PCNT: variants seen among roughly 807,000 people sequenced by gnomAD.
The protein encoded by PCNT is kendrin.
Under a neutral mutation model 380.4 loss-of-function variants are expected in PCNT, and 319 were observed. The observed-to-expected ratio is 0.84, with a 90% CI of 0.77 to 0.92. The LOEUF is 0.92. PCNT is among the 40% of genes least tolerant of loss of function. PCNT has a pLI of 0.00. For synonymous variants in PCNT, 1,845 were observed against 1,735.2 expected, an observed-to-expected ratio of 1.06 and a Z score of -1.57; for missense variants, 4,400 against 4,255.3, an observed-to-expected ratio of 1.03 and a Z score of -0.95.
intron 29 of PCNT, among the ~76,000 whole-genome samples, chr21:46,413,283 G>A (rs181798474): frequency 2.4e-3 from 227 of 93,540 alleles, no homozygotes; most frequent in Non-Finnish European, 2.5e-3. Context: ...CTGGACACGC[G>A]GCAGCAAGGT....
intron 1 of PCNT, among the ~76,000 whole-genome samples, chr21:46,324,590 C>G (rs1212987604): frequency 2.0e-5 from 3 of 149,466 alleles, no homozygotes; most frequent in African/African-American, 4.9e-5. Context: ...GGGCTGGGCG[C>G]GGTGCACGCC....
intron 29 of PCNT, among the ~76,000 whole-genome samples, 172 bp downstream of exon 29, chr21:46,413,164 GGCAGCA>G (rs2086858983): frequency 3.8e-5 from 5 of 132,222 alleles, no homozygotes; most frequent in South Asian, 2.5e-4. Flanking sequence ...CTGGACACGC[GGCAGCA>G]AGGTGTGGGG....
rs750424923 is a variant in PCNT, at chr21:46,381,707, G to T, written c.3179G>T (p.Ser1060Ile). The T allele has an allele frequency of 6.2e-7, 1 of 1,613,942 alleles. No homozygotes were observed. The highest frequency in any genetic ancestry group is 2.2e-5 in the East Asian group (1 of 44,886). Reference sequence around the variant, plus strand: ...TGATGTGTACAGGGTGAATTTGGAAGTGAAAAGAAAACTGCTTTGCATGAA... The same window carrying T: ...TGATGTGTACAGGGTGAATTTGGAATTGAAAAGAAAACTGCTTTGCATGAA... ...LQGVHQGEFG[S>I]EKKTALHEKE... Residue 1060 changes from serine (S) to isoleucine (I), a missense_variant, in exon 16 of 47, where the codon AGT becomes ATT. Ser to Ile is a moderately radical substitution (Grantham distance 142, BLOSUM62 -2). Transcript: ENST00000359568.
chr21:46,443,718 C>A, intron 44 of PCNT, 92 bp from the exon 45 acceptor site: 1 of 1,248,264 alleles, frequency 8.0e-7, no homozygotes, highest in Non-Finnish European at 1.2e-6. Context: ...CTCTTAAAAG[C>A]TTATACGTTT....
rs2084380391 is a variant in PCNT, at chr21:46,354,049, T to C, written c.1742T>C (p.Leu581Pro). The change falls in exon 11 of 47, where the codon CTC becomes CCC. Residue 581 changes from leucine to proline, a missense_variant. Coordinates refer to ENST00000359568, the MANE Select transcript of PCNT (RefSeq NM_006031.6). ...EKGRKDHVDELEPERHKESLP... is the reference protein window; with the variant it reads ...EKGRKDHVDEPEPERHKESLP... ...GGAAGAAAAGATCACGTTGATGAACTCGAGCCTGAGCGACATAAGGTAATT... is the reference window on the plus strand; with the variant it reads ...GGAAGAAAAGATCACGTTGATGAACCCGAGCCTGAGCGACATAAGGTAATT... 2.5e-6 allele frequency: 4 copies of C among 1,614,070 alleles called. No homozygotes were observed. The highest frequency in any genetic ancestry group is 3.4e-6 in the Non-Finnish European group (4 of 1,179,954).
At chr21:46,339,136 G>A (rs1397809449) in intron 3 of PCNT, among the ~76,000 whole-genome samples, 4 of 152,082 alleles carry the variant, frequency 2.6e-5, no homozygotes, top group South Asian at 2.1e-4. Flanking sequence ...GGCTGATCTC[G>A]AACTCATGAT....
At chr21:46,368,913 C>T (rs192312326) in intron 15 of PCNT, among the ~76,000 whole-genome samples, 35 of 152,368 alleles carry the variant, frequency 2.3e-4, no homozygotes, top group African/African-American at 7.9e-4. Flanking sequence ...CAGCATGCCA[C>T]GGGAGGGCTT....
In PCNT at chr21:46,425,984, C is replaced by T. The variant is rs777307823; in HGVS notation, c.7320+13C>T. 6.2e-7 allele frequency: 1 copy of T among 1,613,478 alleles called. No homozygotes were observed. Among genetic ancestry groups the T allele is most frequent in the Non-Finnish European group, 8.5e-7 (1 of 1,179,790 alleles). On this transcript the variant is annotated intron_variant, in intron 33 of 46. Transcript: ENST00000359568. The surrounding 1 kb of genome is among the most constrained non-coding windows in gnomAD (Gnocchi z 4.2). ...GGGAAAGACGCAGGTTTATTTTGCC[C>T]TTCACACACTTCTTTTCCAAAGGAT...
chr21:46,422,464 G>A (rs1341051809), intron 32 of PCNT, among the ~76,000 whole-genome samples: 1 of 144,472 alleles, frequency 6.9e-6, no homozygotes, highest in Admixed American at 6.7e-5. Flanking sequence ...GAGAAGCCGA[G>A]GCACCAGACG....
At chr21:46,399,910 C>T (rs1283659479) in intron 25 of PCNT, 114 bp downstream of exon 25, 62 of 868,752 alleles carry the variant, frequency 7.1e-5, no homozygotes, top group East Asian at 1.2e-4. Flanking sequence ...GCAGCCACCA[C>T]GTCTGCACCA....
chr21:46,383,309 G>A lies in PCNT; in HGVS notation c.3312+1469G>A, dbSNP rs1333141035. 1.8e-4 allele frequency among the ~76,000 whole-genome samples: 25 copies of A among 142,074 alleles called. 1 individual carries two copies. Among genetic ancestry groups the A allele is most frequent in the African/African-American group, 5.8e-4 (22 of 37,658 alleles). 93.2% of individuals were successfully genotyped at this position (142,074 alleles called of 152,430 possible). On this transcript the variant is annotated intron_variant, in intron 16 of 46. Transcript: ENST00000359568. The stretch of plus-strand genomic sequence containing the variant: ...ATTCAGCAGCGGAAGCGCATTCACG[G>A]TGTTGTGCGTTCAGTGGCAGAAGCA...
At chr21:46,427,569 C>G in intron 33 of PCNT, 53 bp from the exon 34 acceptor site, 2 of 1,609,574 alleles carry the variant, frequency 1.2e-6, no homozygotes, top group Non-Finnish European at 1.7e-6. Context: ...CTTTAGGGCA[C>G]AAGGATGCAG....
At chr21:46,412,157 T>A in intron 28 of PCNT, 90 bp downstream of exon 28, 1 of 1,438,164 alleles carries the variant, frequency 7.0e-7, no homozygotes, top group South Asian at 1.2e-5. Flanking sequence ...CGCTGGGCAC[T>A]GGGGGCTGCA....
In PCNT at chr21:46,391,012, G is replaced by A. The variant is rs1601937100; in HGVS notation, c.4004-152G>A. ...TGGTCGGGAGCTGCTGCGGCCAGCA[G>A]GGCTGTTGGAGGCCTACACCTGGGT... On this transcript the variant is annotated intron_variant, in intron 20 of 46. Transcript: ENST00000359568. 4 of 1,055,496 alleles carry A rather than the reference G, an allele frequency of 3.8e-6. No homozygotes were observed. In the East Asian group the frequency reaches 7.8e-5, roughly 21 times the overall value. The allele number at this position is 1,055,496 out of a possible 1,614,324, so 65.4% of individuals were successfully genotyped here. A position where few individuals can be genotyped will look rare whatever the true frequency, so the allele number is the denominator to read the frequency against.
rs1230646283 is a variant in PCNT, at chr21:46,346,942, G to A, written c.920G>A (p.Arg307Lys). 10 of 1,598,614 alleles carry A rather than the reference G, an allele frequency of 6.3e-6. No individual in the cohort carries two copies. Among genetic ancestry groups the A allele is most frequent in the East Asian group, 4.5e-5 (2 of 44,330 alleles). The change falls in exon 5 of 47, where the codon AGG (arginine) becomes AAG (lysine). Residue 307 changes from arginine to lysine, a missense_variant. Transcript: ENST00000359568. ...CAGCAGCACGAGCTGGAGCTCCTCA[G>A]GGAGCAGCACGCACGGGAGAAGGAG... ...SRQQHELELL[R>K]EQHAREKEEV...
intron 1 of PCNT, among the ~76,000 whole-genome samples, 190 bp downstream of exon 1, chr21:46,324,472 G>T (rs1242317261): frequency 1.3e-5 from 2 of 151,218 alleles, no homozygotes; most frequent in East Asian, 3.9e-4. Context: ...GCCGCTCTCC[G>T]CCAGGTCCCG....
At chr21:46,406,528 T>A (rs1383264237) in intron 27 of PCNT, among the ~76,000 whole-genome samples, 1 of 152,346 alleles carries the variant, frequency 6.6e-6, no homozygotes. Context: ...TCCTGAAGGC[T>A]TTTTATGTAT....
At chr21:46,427,498 G>C in intron 33 of PCNT, 124 bp from the exon 34 acceptor site, 4 of 1,004,992 alleles carry the variant, frequency 4.0e-6, no homozygotes, top group Non-Finnish European at 6.2e-6. Context: ...TTCTTAAGAG[G>C]CCTCATTTAC....
chr21:46,327,418 C>A (rs1186385608), intron 2 of PCNT, among the ~76,000 whole-genome samples: 1 of 147,442 alleles, frequency 6.8e-6, no homozygotes, highest in African/African-American at 2.5e-5. Flanking sequence ...TTTGTTTGTT[C>A]CAGACAGTGT....
Sources: gnomAD v4.1 joint callset for allele counts (sites outside exome capture counted in the v4.1 genomes callset) on GRCh38, gnomAD v4.1.1 for gene constraint, Gnocchi (gnomAD v3.1) non-coding constraint, MANE v1.5 for transcripts, NCBI Gene and HGNC (gene_info 2026-07-23, HGNC 2026-07-21) for gene names.